Variants in IL1R1 observed in about 807,000 individuals in gnomAD.
The protein encoded by IL1R1 is interleukin-1 receptor type 1.
In IL1R1, 22 loss-of-function variants were observed where a neutral mutation model predicts 50.2. That is an observed-to-expected ratio of 0.44 (90% confidence interval 0.31 to 0.63). The LOEUF is 0.63. Among genes scored for constraint, IL1R1 ranks in the 20% least tolerant of loss-of-function variants. The pLI is 0.07. For synonymous variants in IL1R1, 251 were observed against 236.7 expected, an observed-to-expected ratio of 1.06 and a Z score of -0.55; for missense variants, 509 against 676.2, an observed-to-expected ratio of 0.75 and a Z score of 2.74.
intron 1 of IL1R1, among the ~76,000 whole-genome samples, chr2:102,087,033 C>G (rs1679460297): frequency 6.6e-6 from 1 of 151,822 alleles, no homozygotes; most frequent in African/African-American, 2.4e-5. Flanking sequence ...AAGCAAGTCA[C>G]AATTTCTTTT....
At chr2:102,080,199 C>T (rs958470981) in intron 1 of IL1R1, among the ~76,000 whole-genome samples, 11 of 152,208 alleles carry the variant, frequency 7.2e-5, no homozygotes, top group East Asian at 1.9e-4. Flanking sequence ...AAGTATACAG[C>T]GCCAGAGCAC....
At chr2:102,092,547 C>T (rs1436020365) in intron 1 of IL1R1, among the ~76,000 whole-genome samples, 1 of 151,866 alleles carries the variant, frequency 6.6e-6, no homozygotes, top group Non-Finnish European at 1.5e-5. Context: ...CTCTTTAAAC[C>T]AATTCTTTTT....
chr2:102,152,129 A>G (rs1683721530), intron 1 of IL1R1, among the ~76,000 whole-genome samples: 1 of 151,988 alleles, frequency 6.6e-6, no homozygotes, highest in African/African-American at 2.4e-5. Flanking sequence ...CGCTTCAGCA[A>G]TGGATGAGTG....
upstream of IL1R1, among the ~76,000 whole-genome samples, chr2:102,138,708 T>C (rs981952398): frequency 6.6e-6 from 1 of 152,134 alleles, no homozygotes; most frequent in Non-Finnish European, 1.5e-5. Context: ...GGAAAATGTA[T>C]GAGAGGAGCG....
intron 1 of IL1R1, among the ~76,000 whole-genome samples, chr2:102,073,158 A>C (rs895589177): frequency 6.6e-6 from 1 of 152,210 alleles, no homozygotes; most frequent in South Asian, 2.1e-4. Context: ...CTGGGGCCAA[A>C]GCATGTGAGA....
chr2:102,087,759 G>A (rs1390962638), intron 1 of IL1R1, among the ~76,000 whole-genome samples: 1 of 152,058 alleles, frequency 6.6e-6, no homozygotes, highest in Admixed American at 6.5e-5. Flanking sequence ...CCAGCTATGT[G>A]GAACTGTGGG....
At chr2:102,127,805 A>G (rs1278089704) in intron 1 of IL1R1, among the ~76,000 whole-genome samples, 3 of 152,160 alleles carry the variant, frequency 2.0e-5, no homozygotes, top group South Asian at 2.1e-4. Flanking sequence ...TGAGAAAGCC[A>G]TACTGCAATT....
chr2:102,172,031 C>CTTTTTTTTTTTTTTTTTTTTTTTTTT (rs35265416), intron 8 of IL1R1, 113 bp downstream of exon 8: 6 of 87,256 alleles, frequency 6.9e-5, no homozygotes, highest in Non-Finnish European at 1.0e-4. Flanking sequence ...CCTTTGCTGC[C>CTTTTTTTTTTTTTTTTTTTTTTTTTT]TTTTTTTTTT....
At chr2:102,171,064 T>A (rs566536385) in intron 7 of IL1R1, among the ~76,000 whole-genome samples, 1 of 152,270 alleles carries the variant, frequency 6.6e-6, no homozygotes, top group East Asian at 1.9e-4. Context: ...TGTGTCTCAT[T>A]TTTAAAAATG....
intron 1 of IL1R1, among the ~76,000 whole-genome samples, chr2:102,134,227 C>T (rs1369507144): frequency 6.7e-6 from 1 of 149,980 alleles, no homozygotes; most frequent in Non-Finnish European, 1.5e-5. Flanking sequence ...TATTCTGCCC[C>T]TGAGCCCACG....
intron 1 of IL1R1, among the ~76,000 whole-genome samples, chr2:102,111,969 C>T (rs975688246): frequency 1.3e-5 from 2 of 152,158 alleles, no homozygotes; most frequent in African/African-American, 4.8e-5. Flanking sequence ...GAGGCCATGG[C>T]TCTCTGTGCT....
chr2:102,156,228 A>G (rs1407631627), intron 2 of IL1R1: 2 of 152,638 alleles, frequency 1.3e-5, no homozygotes, highest in Non-Finnish European at 2.9e-5. Context: ...TTATTTAATC[A>G]TCTGTAAATA....
At chr2:102,144,343 G>C (rs1682930117) in intron 1 of IL1R1, among the ~76,000 whole-genome samples, 1 of 152,196 alleles carries the variant, frequency 6.6e-6, no homozygotes, top group South Asian at 2.1e-4. Context: ...CCACTCTCAT[G>C]TGGCCTCCAT....
intron 1 of IL1R1, among the ~76,000 whole-genome samples, chr2:102,091,637 G>T (rs1477221848): frequency 2.0e-5 from 3 of 152,166 alleles, no homozygotes; most frequent in Non-Finnish European, 4.4e-5. Context: ...AATATTTCAA[G>T]TTCTCTCTTG....
At position 102,123,581 on chromosome 2, in the gene IL1R1, G is replaced by C. The variant is rs558047718; in HGVS notation, c.-84+18709G>C. Among the ~76,000 whole-genome samples, 4 of 152,206 alleles carry C rather than the reference G, an allele frequency of 2.6e-5. No homozygotes were observed. In the South Asian group the frequency reaches 8.3e-4, roughly 32 times the overall value. On this transcript the variant is annotated intron_variant, in intron 1 of 10. Transcript: ENST00000409329. ...ACCTGAGGTCAGGAGTTCCAGACCA[G>C]CCTGGCCAACATGGCGAAACCCCAC...
At chr2:102,071,697 T>A (rs556874403) in intron 1 of IL1R1, among the ~76,000 whole-genome samples, 1 of 152,340 alleles carries the variant, frequency 6.6e-6, no homozygotes, top group East Asian at 1.9e-4. Context: ...GTTTGAAGAT[T>A]CTTTCCCTTT....
At chr2:102,132,910 T>G (rs192792853) in intron 1 of IL1R1, among the ~76,000 whole-genome samples, 173 of 152,296 alleles carry the variant, frequency 1.1e-3, no homozygotes, top group Non-Finnish European at 2.2e-3. Context: ...AATAGATGAC[T>G]TGACTAGCCC....
At chr2:102,153,360 T>C (rs1482723256) in intron 1 of IL1R1, among the ~76,000 whole-genome samples, 1 of 152,204 alleles carries the variant, frequency 6.6e-6, no homozygotes, top group Non-Finnish European at 1.5e-5. Flanking sequence ...AGCTTGTGGT[T>C]GTCAAGCTCT....
chr2:102,143,165 G>C (rs1682822610), intron 1 of IL1R1, 145 bp downstream of exon 1: 1 of 152,554 alleles, frequency 6.6e-6, no homozygotes, highest in African/African-American at 2.4e-5. Flanking sequence ...TGTAAGAAGG[G>C]GATGGCGGTG....
Sources: allele counts gnomAD v4.1 joint callset (sites outside exome capture counted in the v4.1 genomes callset), GRCh38; gene constraint gnomAD v4.1.1; transcripts MANE v1.5; gene names NCBI Gene and HGNC (gene_info 2026-07-23, HGNC 2026-07-21).